PLCB1: variants seen among roughly 807,000 people sequenced by gnomAD.
PLCB1 encodes the protein 1-phosphatidylinositol 4,5-bisphosphate phosphodiesterase beta-1.
In PLCB1, 46 loss-of-function variants were observed where a neutral mutation model predicts 161.8. The ratio of observed to expected loss-of-function variants is 0.28; its 90% CI spans 0.22 to 0.36. The LOEUF (loss-of-function observed/expected upper bound fraction) is 0.36. PLCB1 is among the 10% of genes least tolerant of loss of function. PLCB1 has a pLI of 1.00. For missense variants in PLCB1, 1,016 were observed against 1,472.5 expected (o/e 0.69, Z 5.07); for synonymous variants, 517 against 503.7 (o/e 1.03, Z -0.35).
At chr20:8,230,955 A>G (rs538645141) in intron 2 of PLCB1, among the ~76,000 whole-genome samples, 2 of 152,174 alleles carry the variant, frequency 1.3e-5, no homozygotes, top group South Asian at 4.2e-4. Flanking sequence ...TACGTAATTT[A>G]GTTCCTATGC....
chr20:8,307,459 C>A (rs778325561), intron 2 of PLCB1, among the ~76,000 whole-genome samples: 2 of 152,150 alleles, frequency 1.3e-5, no homozygotes, highest in Non-Finnish European at 2.9e-5. Context: ...TGACTGCCCA[C>A]CTTTAGCATT....
chr20:8,327,136 T>A (rs574571230), intron 2 of PLCB1, among the ~76,000 whole-genome samples: 2 of 152,292 alleles, frequency 1.3e-5, no homozygotes, highest in East Asian at 1.9e-4. Flanking sequence ...TCCACCCACC[T>A]TGGACTCTGA....
At chr20:8,308,331 G>A (rs1358940003) in intron 2 of PLCB1, among the ~76,000 whole-genome samples, 1 of 151,102 alleles carries the variant, frequency 6.6e-6, no homozygotes, top group East Asian at 1.9e-4. Context: ...AACTATGAAT[G>A]TTCAGCCGGG....
intron 3 of PLCB1, among the ~76,000 whole-genome samples, chr20:8,463,274 A>G (rs1477371610): frequency 6.6e-6 from 1 of 151,948 alleles, no homozygotes; most frequent in African/African-American, 2.4e-5. Context: ...TCAAAGAATA[A>G]TAATAAAATA....
At chr20:8,558,479 T>G (rs936313809) in intron 3 of PLCB1, among the ~76,000 whole-genome samples, 1 of 150,510 alleles carries the variant, frequency 6.6e-6, no homozygotes, top group Admixed American at 6.6e-5. Flanking sequence ...GTAAGGGGAG[T>G]CTCAGGAAGT....
At position 8,787,749 on chromosome 20, in the gene PLCB1, A is replaced by C. The variant is rs534820736; in HGVS notation, c.3112-700A>C. ...TACCAAGGATACAAAAACACAATTG[A>C]TGCCCCCTTGGGGCTTGATTTGATA... On this transcript the variant is annotated intron_variant, in intron 27 of 31. Coordinates refer to ENST00000338037, the MANE Select transcript of PLCB1 (RefSeq NM_015192.4). Among the ~76,000 whole-genome samples, 60 of 152,272 alleles carry C rather than the reference A, an allele frequency of 3.9e-4. 1 individual carries two copies. The highest frequency in any genetic ancestry group is 7.2e-4 in the Non-Finnish European group (49 of 68,042).
At chr20:8,775,031 CTTTG>C (rs1044084776) in intron 27 of PLCB1, among the ~76,000 whole-genome samples, 1 of 146,008 alleles carries the variant, frequency 6.8e-6, no homozygotes, top group Non-Finnish European at 1.5e-5. Flanking sequence ...AAACACTTAT[CTTTG>C]TTTAAGAAAT....
At position 8,539,658 on chromosome 20, in the gene PLCB1, TTCTTTCTTTCTTTCTTTCTTTC is replaced by T. The variant is rs1225561639; in HGVS notation, c.247-88634_247-88613del. On this transcript the variant is annotated intron_variant, in intron 3 of 31. Coordinates refer to ENST00000338037, the MANE Select transcript of PLCB1 (RefSeq NM_015192.4). ...TTTCTTTCTTTCTTTCTTTCTTTCT[TTCTTTCTTTCTTTCTTTCTTTC>T]TTTCTTTTTCTTTTTCCTTCCTTCC... Among the ~76,000 whole-genome samples the T allele has an allele frequency of 2.9e-4, 27 of 93,734 alleles. No individual in the cohort carries two copies. The East Asian group carries it at 5.4e-3, about 19-fold the overall frequency. 61.5% of individuals were successfully genotyped at this position (93,734 alleles called of 152,430 possible). A position where few individuals can be genotyped will look rare whatever the true frequency, so the allele number is the denominator to read the frequency against.
chr20:8,267,766 C>A (rs1982046531), intron 2 of PLCB1, among the ~76,000 whole-genome samples: 1 of 152,076 alleles, frequency 6.6e-6, no homozygotes, highest in African/African-American at 2.4e-5. Flanking sequence ...CAAATACTCT[C>A]TAGAGGTTGC....
At chr20:8,193,067 A>G (rs1600226632) in intron 2 of PLCB1, among the ~76,000 whole-genome samples, 1 of 152,186 alleles carries the variant, frequency 6.6e-6, no homozygotes, top group East Asian at 1.9e-4. Context: ...GAAATGGGAT[A>G]TAACCAGAGA....
chr20:8,707,383 AT>A (rs1268713864), intron 11 of PLCB1, among the ~76,000 whole-genome samples: 1 of 152,226 alleles, frequency 6.6e-6, no homozygotes, highest in Non-Finnish European at 1.5e-5. Context: ...TATGAAAAAA[AT>A]AAATGTAACT....
chr20:8,811,698 A>G (rs1159791585), intron 31 of PLCB1, among the ~76,000 whole-genome samples: 1 of 152,234 alleles, frequency 6.6e-6, no homozygotes, highest in African/African-American at 2.4e-5. Flanking sequence ...TGTTGAGTAC[A>G]TGAACAGCAA....
intron 2 of PLCB1, among the ~76,000 whole-genome samples, chr20:8,327,367 G>A (rs1985199522): frequency 6.6e-6 from 1 of 152,184 alleles, no homozygotes; most frequent in South Asian, 2.1e-4. Flanking sequence ...AGAAGAAAGT[G>A]GGAGGAAATT....
chr20:8,667,548 G>A (rs1158202823), intron 9 of PLCB1, among the ~76,000 whole-genome samples: 2 of 152,210 alleles, frequency 1.3e-5, no homozygotes, highest in African/African-American at 4.8e-5. Flanking sequence ...CAAAGGCCTG[G>A]CCTAGGAATT....
intron 31 of PLCB1, among the ~76,000 whole-genome samples, chr20:8,874,811 T>C (rs6056224): frequency 0.022 from 3,359 of 152,134 alleles, 99 homozygotes; most frequent in African/African-American, 0.076. Context: ...ATAAATATCT[T>C]AGTGTATTCA....
At chr20:8,722,079 CAT>C (rs761022951) in intron 14 of PLCB1, among the ~76,000 whole-genome samples, 2 of 151,988 alleles carry the variant, frequency 1.3e-5, no homozygotes, top group Non-Finnish European at 2.9e-5. Flanking sequence ...TGTTTAAAAA[CAT>C]ATAGAGAAAA....
At chr20:8,486,697 T>G (rs1182837377) in intron 3 of PLCB1, among the ~76,000 whole-genome samples, 2 of 150,496 alleles carry the variant, frequency 1.3e-5, no homozygotes, top group Admixed American at 1.3e-4. Flanking sequence ...GGGTTTCACC[T>G]TGTTAGCCAG....
intron 3 of PLCB1, among the ~76,000 whole-genome samples, chr20:8,449,424 G>A (rs746441110): frequency 1.3e-5 from 2 of 152,200 alleles, no homozygotes; most frequent in South Asian, 4.1e-4. Flanking sequence ...TATCGCTAGT[G>A]TCCCGCTTCC....
intron 2 of PLCB1, among the ~76,000 whole-genome samples, chr20:8,164,385 G>A (rs1433139165): frequency 1.3e-5 from 2 of 152,146 alleles, no homozygotes; most frequent in Admixed American, 6.5e-5. Flanking sequence ...GAGCTGTGCT[G>A]TCTCATACAG....
Sources: allele counts gnomAD v4.1 joint callset (sites outside exome capture counted in the v4.1 genomes callset), GRCh38; gene constraint gnomAD v4.1.1; transcripts MANE v1.5; gene names NCBI Gene and HGNC (gene_info 2026-07-23, HGNC 2026-07-21).